SECISBP2L: variants seen among roughly 807,000 people sequenced by gnomAD.
SECISBP2L encodes selenocysteine insertion sequence-binding protein 2-like.
A neutral mutation model predicts 114.7 loss-of-function variants in SECISBP2L; 43 were observed. That is an observed-to-expected ratio of 0.38 (90% CI 0.29 to 0.48). SECISBP2L has a LOEUF of 0.48. SECISBP2L is among the 20% of genes least tolerant of loss of function. The pLI is 0.98. For missense variants in SECISBP2L, 1,136 were observed against 1,301.1 expected (o/e 0.87, Z 1.95); for synonymous variants, 451 against 439.7 (o/e 1.03, Z -0.32).
Position 49,034,268 on chromosome 15 carries a change from C to A in SECISBP2L, c.528+1066G>T, listed in dbSNP as rs569464641. 2.2e-4 allele frequency among the ~76,000 whole-genome samples: 34 copies of A among 152,318 alleles called. 1 individual carries two copies. Among genetic ancestry groups the A allele is most frequent in the African/African-American group, 7.7e-4 (32 of 41,574 alleles). ...CATAAGATATGTCTAAGATGTCCCT[C>A]TTCTATCAGCTCAAAAGTGCCAACT... is the stretch of plus-strand genomic sequence containing the variant. On this transcript the variant is annotated intron_variant, in intron 3 of 17. Transcript: ENST00000559471.
At chr15:49,039,528 T>TC (rs1275624252) in intron 1 of SECISBP2L, among the ~76,000 whole-genome samples, 1 of 151,324 alleles carries the variant, frequency 6.6e-6, no homozygotes, top group Non-Finnish European at 1.5e-5. Flanking sequence ...TTTTTTTCTT[T>TC]CTTTTTTTTT....
At chr15:49,010,124 G>GACACACACACAC (rs61663836) in intron 13 of SECISBP2L, among the ~76,000 whole-genome samples, 42,176 of 138,534 alleles carry the variant, frequency 0.3, 6,862 homozygotes, top group Non-Finnish European at 0.35. Flanking sequence ...AACAGAGGCA[G>GACACACACACAC]ACACACACAC....
intron 16 of SECISBP2L, 72 bp downstream of exon 16, chr15:48,999,759 CAT>C (rs1902165075): frequency 1.3e-6 from 2 of 1,521,208 alleles, no homozygotes; most frequent in Non-Finnish European, 1.8e-6. Context: ...ATAACACTGG[CAT>C]ATGTCAATCG....
At chr15:49,017,690 G>T in intron 8 of SECISBP2L, 62 bp from the exon 9 acceptor site, 2 of 1,097,204 alleles carry the variant, frequency 1.8e-6, no homozygotes, top group Non-Finnish European at 2.6e-6. Flanking sequence ...TTTTTATAAT[G>T]CTTAGAAGTA....
intron 10 of SECISBP2L, 64 bp from the exon 11 acceptor site, chr15:49,016,765 G>T (rs1451573407): frequency 2.6e-6 from 4 of 1,526,594 alleles, no homozygotes; most frequent in Admixed American, 4.2e-5. Flanking sequence ...ATTTTAAGAT[G>T]ACTACATTTA....
intron 16 of SECISBP2L, among the ~76,000 whole-genome samples, chr15:48,999,330 T>TA (rs56146131): frequency 0.65 from 84,274 of 129,466 alleles, 25,681 homozygotes; most frequent in Non-Finnish European, 0.72. Flanking sequence ...TCAGCTCCTA[T>TA]GATAAAGATC....
intron 13 of SECISBP2L, among the ~76,000 whole-genome samples, chr15:49,009,586 A>T (rs1902395604): frequency 6.6e-6 from 1 of 152,172 alleles, no homozygotes; most frequent in Non-Finnish European, 1.5e-5. Flanking sequence ...GTTGAAGTAT[A>T]TTCTTAGCCA....
At chr15:49,036,012 T>A (rs1243391792) in intron 2 of SECISBP2L, among the ~76,000 whole-genome samples, 6 of 152,210 alleles carry the variant, frequency 3.9e-5, no homozygotes, top group African/African-American at 1.4e-4. Context: ...AAAGTTCCCA[T>A]TCAAGGTACA....
rs373162791 is a variant in SECISBP2L at position 49,009,195 on chromosome 15, A to G, written c.2027+21T>C. 15 of 1,611,514 alleles carry G rather than the reference A, an allele frequency of 9.3e-6. No individual in the cohort carries two copies. In the African/African-American group the frequency reaches 1.9e-4, roughly 20 times the overall value. On this transcript the variant is annotated intron_variant, in intron 14 of 17. Transcript: ENST00000559471. Reference sequence around the variant, plus strand: ...CAAGATCCTTAAACTATTCAACCTCAATAATGAGTATAAAACTTACTCTCT... The same window carrying G: ...CAAGATCCTTAAACTATTCAACCTCGATAATGAGTATAAAACTTACTCTCT...
At chr15:49,040,049 G>T (rs2141087933) in intron 1 of SECISBP2L, among the ~76,000 whole-genome samples, 1 of 152,114 alleles carries the variant, frequency 6.6e-6, no homozygotes, top group East Asian at 1.9e-4. Context: ...TACTTTGGTA[G>T]CAATACATTC....
intron 14 of SECISBP2L, among the ~76,000 whole-genome samples, chr15:49,008,594 T>A (rs534809520): frequency 1.3e-5 from 2 of 152,350 alleles, no homozygotes; most frequent in East Asian, 3.9e-4. Flanking sequence ...TAAACCAATG[T>A]AATTTGGACT....
Position 49,011,717 on chromosome 15 carries a change from G to A in SECISBP2L, c.1864+14C>T, listed in dbSNP as rs1451560579. On this transcript the variant is annotated intron_variant, in intron 13 of 17. Coordinates refer to ENST00000559471, the MANE Select transcript of SECISBP2L (RefSeq NM_001193489.2). ...ACCATTCCATGAGAAGAGGAGAAAG[G>A]GGGAGCTCCTTACCTTCCTGGGAAA... is the stretch of plus-strand genomic sequence containing the variant. 3.1e-6 allele frequency: 5 copies of A among 1,613,440 alleles called. No individual in the cohort carries two copies. The highest frequency in any genetic ancestry group is 2.2e-5 in the East Asian group (1 of 44,844).
chr15:49,040,527 C>T (rs201158656), intron 1 of SECISBP2L, among the ~76,000 whole-genome samples: 237 of 63,080 alleles, frequency 3.8e-3, no homozygotes, highest in South Asian at 4.7e-3. Context: ...CCAAACTATT[C>T]TTTTTTTTTT....
rs1246892754 is a variant in SECISBP2L, at chr15:48,991,532, G to C, written c.*712C>G. ...CCTGAGGTAAGTAAGAAGCAAATAT[G>C]AGACAGAACCTGGAGGTCCTATCAT... On this transcript the variant is annotated 3_prime_UTR_variant, in exon 18 of 18. Transcript: ENST00000559471. The C allele has an allele frequency of 6.6e-6, 1 of 152,620 alleles. No individual in the cohort carries two copies. Among genetic ancestry groups the C allele is most frequent in the Non-Finnish European group, 1.5e-5 (1 of 68,052 alleles). 9.5% of individuals were successfully genotyped at this position (152,620 alleles called of 1,614,324 possible). A position where few individuals can be genotyped will look rare whatever the true frequency, so the allele number is the denominator to read the frequency against.
At chr15:49,005,587 T>TTTTG (rs1163343401) in intron 14 of SECISBP2L, among the ~76,000 whole-genome samples, 1 of 144,018 alleles carries the variant, frequency 6.9e-6, no homozygotes, top group Non-Finnish European at 1.5e-5. Context: ...TTTTTTTTTT[T>TTTTG]TGCTTTCCAT....
chr15:49,027,279 G>T, intron 7 of SECISBP2L, 86 bp downstream of exon 7: 1 of 851,402 alleles, frequency 1.2e-6, no homozygotes, highest in Non-Finnish European at 1.9e-6. Flanking sequence ...CACTCCATGT[G>T]CATATCCACT....
intron 7 of SECISBP2L, among the ~76,000 whole-genome samples, chr15:49,026,034 C>T (rs775533248): frequency 6.6e-6 from 1 of 152,112 alleles, no homozygotes; most frequent in Admixed American, 6.6e-5. Flanking sequence ...CAAGGGAATA[C>T]TATTCAGCCA....
chr15:49,011,568 C>G, intron 13 of SECISBP2L, 163 bp downstream of exon 13: 2 of 781,966 alleles, frequency 2.6e-6, no homozygotes, highest in Non-Finnish European at 4.0e-6. Context: ...AACCATCTCC[C>G]TACAAAAGCA....
In SECISBP2L at chr15:48,992,301, G is replaced by A; in HGVS notation, c.3249C>T (p.Asn1083=). ...QASPGQQKSS[N]CSSLNKEHSD... is the part of the protein sequence containing the mutation. The stretch of plus-strand genomic sequence containing the variant: ...AGTGCTCTTTGTTGAGCGAGCTGCA[G>A]TTGCTGGACTTCTGCTGCCCAGGAC... The change falls in exon 18 of 18, where the codon AAC becomes AAT. Residue 1083 remains asparagine, a synonymous_variant. Transcript: ENST00000559471. 6.2e-7 allele frequency: 1 copy of A among 1,613,594 alleles called. No individual in the cohort carries two copies. Among genetic ancestry groups the A allele is most frequent in the Non-Finnish European group, 8.5e-7 (1 of 1,179,874 alleles).
Sources: allele counts gnomAD v4.1 joint callset (sites outside exome capture counted in the v4.1 genomes callset), GRCh38; gene constraint gnomAD v4.1.1; transcripts MANE v1.5; gene names NCBI Gene and HGNC (gene_info 2026-07-23, HGNC 2026-07-21).